Variants in OSBPL10 observed in about 807,000 individuals in gnomAD.
OSBPL10 encodes the protein oxysterol-binding protein-related protein 10.
OSBPL10 carries 49 observed loss-of-function variants against 81.7 expected under a neutral mutation model. The ratio of observed to expected loss-of-function variants is 0.60; its 90% CI spans 0.48 to 0.76. The LOEUF is 0.76. Among genes scored for constraint, OSBPL10 ranks in the 30% least tolerant of loss-of-function variants. OSBPL10 has a pLI of 0.00. For missense variants in OSBPL10, 923 were observed against 987.8 expected (o/e 0.93, Z 0.88); for synonymous variants, 419 against 383.6 (o/e 1.09, Z -1.08).
intron 1 of OSBPL10, among the ~76,000 whole-genome samples, chr3:31,955,836 A>T (rs979363496): frequency 1.5e-4 from 23 of 152,230 alleles, no homozygotes; most frequent in African/African-American, 5.3e-4. Context: ...CTCATGCAAG[A>T]TCTGAGAGTG....
At chr3:31,731,067 TTC>T (rs1696957939) in intron 6 of OSBPL10, among the ~76,000 whole-genome samples, 1 of 152,214 alleles carries the variant, frequency 6.6e-6, no homozygotes, top group South Asian at 2.1e-4. Flanking sequence ...ACATTTTTTT[TTC>T]TGACAGAAAA....
intron 1 of OSBPL10, among the ~76,000 whole-genome samples, chr3:31,966,163 G>A (rs1575066904): frequency 1.4e-5 from 1 of 71,712 alleles, no homozygotes; most frequent in African/African-American, 6.5e-5. Context: ...ATGTGTGTGT[G>A]TGTGTGTGTG....
In OSBPL10 at chr3:31,702,123, C is replaced by A. The variant is rs371457557; in HGVS notation, c.1245+236G>T. Among the ~76,000 whole-genome samples the A allele has an allele frequency of 5.9e-5, 9 of 152,284 alleles. No individual in the cohort carries two copies. In the East Asian group the frequency reaches 1.4e-3, roughly 23 times the overall value. ...TGTTCTCCCTGCCCTTGTAGAGTAGCAACAACTCCTCCCAAGATCAAATGC... is the reference window on the plus strand; with the variant it reads ...TGTTCTCCCTGCCCTTGTAGAGTAGAAACAACTCCTCCCAAGATCAAATGC... On this transcript the variant is annotated intron_variant, in intron 7 of 11. Coordinates refer to ENST00000396556, the MANE Select transcript of OSBPL10 (RefSeq NM_017784.5).
chr3:31,994,575 G>T (rs1238565501), intron 2 of OSBPL10, among the ~76,000 whole-genome samples: 2 of 152,082 alleles, frequency 1.3e-5, no homozygotes, highest in Non-Finnish European at 2.9e-5. Context: ...AAAATTTTCA[G>T]TGATATTTCT....
At chr3:32,075,007 C>T (rs1005247778) in intron 1 of OSBPL10, among the ~76,000 whole-genome samples, 4 of 152,210 alleles carry the variant, frequency 2.6e-5, no homozygotes, top group Non-Finnish European at 5.9e-5. Context: ...ATGACGCCAA[C>T]ACGACCAAAA....
At chr3:32,009,075 G>C (rs1699229627) in intron 2 of OSBPL10, among the ~76,000 whole-genome samples, 1 of 152,130 alleles carries the variant, frequency 6.6e-6, no homozygotes, top group South Asian at 2.1e-4. Context: ...TCATGAACAG[G>C]TTTGTGTTTT....
chr3:31,786,535 T>C (rs1268438917), intron 4 of OSBPL10, among the ~76,000 whole-genome samples: 1 of 152,182 alleles, frequency 6.6e-6, no homozygotes, highest in Non-Finnish European at 1.5e-5. Flanking sequence ...CTTCTTGCTG[T>C]GTCCTCACAT....
intron 1 of OSBPL10, among the ~76,000 whole-genome samples, chr3:31,894,902 T>C (rs919102258): frequency 2.0e-5 from 3 of 152,278 alleles, no homozygotes; most frequent in East Asian, 1.9e-4. Flanking sequence ...AAGTTCTAAC[T>C]AATGAGGAAA....
intron 2 of OSBPL10, among the ~76,000 whole-genome samples, chr3:31,987,721 C>T (rs1698956087): frequency 6.6e-6 from 1 of 152,210 alleles, no homozygotes; most frequent in Non-Finnish European, 1.5e-5. Context: ...CTCCTGAAGC[C>T]TAGTCTGGGA....
At chr3:31,714,714 A>C (rs1009972545) in intron 6 of OSBPL10, 1 of 152,278 alleles carries the variant, frequency 6.6e-6, no homozygotes, top group Non-Finnish European at 1.5e-5. Context: ...GAGACCTGCA[A>C]GTTCCCGGAC....
At chr3:31,783,111 T>TTATATATATATATATATA (rs56846176) in intron 4 of OSBPL10, among the ~76,000 whole-genome samples, 12 of 121,654 alleles carry the variant, frequency 9.9e-5, no homozygotes, top group Admixed American at 1.6e-4. Context: ...AATATATCTA[T>TTATATATATATATATATA]TATATATATA....
chr3:31,916,458 A>T (rs1208811441), intron 1 of OSBPL10, among the ~76,000 whole-genome samples: 1 of 152,162 alleles, frequency 6.6e-6, no homozygotes, highest in African/African-American at 2.4e-5. Flanking sequence ...GTTGGTTATA[A>T]GCATTATGAT....
At chr3:31,898,827 AT>A (rs1474947261) in intron 1 of OSBPL10, among the ~76,000 whole-genome samples, 1 of 152,050 alleles carries the variant, frequency 6.6e-6, no homozygotes, top group African/African-American at 2.4e-5. Context: ...ACATAAAATA[AT>A]AAAGATGTTT....
chr3:32,012,108 C>G (rs1352788509), intron 2 of OSBPL10, among the ~76,000 whole-genome samples: 1 of 152,168 alleles, frequency 6.6e-6, no homozygotes, highest in East Asian at 1.9e-4. Context: ...CAAAGATACT[C>G]CTTGGGAAGA....
At chr3:31,981,978 G>A (rs1227343424), upstream of OSBPL10, 3 of 152,256 alleles carry the variant, frequency 2.0e-5, no homozygotes, top group Non-Finnish European at 4.4e-5. This position sits in a 1 kb window ranked among gnomAD's most constrained non-coding sequence, Gnocchi z 4.5. Flanking sequence ...CTGGGGTGAG[G>A]CGCGCGAACT....
At chr3:31,672,395 GGAGA>G (rs1330982084) in intron 8 of OSBPL10, among the ~76,000 whole-genome samples, 2 of 127,638 alleles carry the variant, frequency 1.6e-5, no homozygotes, top group African/African-American at 3.0e-5. Flanking sequence ...AGAGGGAGAG[GGAGA>G]GAGAGAGAAC....
intron 4 of OSBPL10, among the ~76,000 whole-genome samples, chr3:31,806,890 C>T (rs528903536): frequency 6.6e-6 from 1 of 152,150 alleles, no homozygotes; most frequent in East Asian, 1.9e-4. Context: ...AGCAGACCTC[C>T]TATCCAGCCT....
chr3:31,803,370 A>G (rs1042402791), intron 4 of OSBPL10, among the ~76,000 whole-genome samples: 7 of 152,232 alleles, frequency 4.6e-5, no homozygotes, highest in Non-Finnish European at 8.8e-5. Context: ...ACAAAAGAGC[A>G]CCTTCTCACA....
chr3:31,852,114 T>C (rs990145919), intron 3 of OSBPL10, among the ~76,000 whole-genome samples: 4 of 152,218 alleles, frequency 2.6e-5, no homozygotes, highest in Admixed American at 6.5e-5. Context: ...ACTTCTGCCA[T>C]GCCCTAGCCA....
Sources: allele counts gnomAD v4.1 joint callset (sites outside exome capture counted in the v4.1 genomes callset), GRCh38; gene constraint gnomAD v4.1.1; non-coding constraint Gnocchi (gnomAD v3.1); transcripts MANE v1.5; gene names NCBI Gene and HGNC (gene_info 2026-07-23, HGNC 2026-07-21).